THSD4: variants seen among roughly 807,000 people sequenced by gnomAD.
THSD4 encodes thrombospondin type 1 domain containing 4, also known as thrombospondin type-1 domain-containing protein 4.
A neutral mutation model predicts 119.0 loss-of-function variants in THSD4; 69 were observed. That is an observed-to-expected ratio of 0.58 (90% confidence interval 0.48 to 0.71). THSD4 has a LOEUF of 0.71. Ranked by LOEUF, THSD4 falls within the 30% of genes least tolerant of loss-of-function variation. THSD4 has a pLI of 0.00. For missense variants in THSD4, 1,393 were observed against 1,391.1 expected, an observed-to-expected ratio of 1.00 and a Z score of -0.02; for synonymous variants, 524 against 540.4, an observed-to-expected ratio of 0.97 and a Z score of 0.42.
chr15:71,757,001 A>G (rs1335349571), intron 14 of THSD4, among the ~76,000 whole-genome samples: 2 of 152,154 alleles, frequency 1.3e-5, no homozygotes, highest in Non-Finnish European at 2.9e-5. Context: ...TAGTTTCTCT[A>G]TCTTGGAGTG....
Position 71,439,605 on chromosome 15 carries a change from A to G in THSD4, c.1152+27782A>G, listed in dbSNP as rs570487172. 6.8e-3 allele frequency among the ~76,000 whole-genome samples: 1,034 copies of G among 152,340 alleles called. 7 individuals are homozygous for G. The highest frequency in any genetic ancestry group is 0.012 in the Non-Finnish European group (814 of 68,024). ...ACTACTCACAATAGCAAAGACTTGG[A>G]ACCAACCCAAATGTCCATCAGTGAT... On this transcript the variant is annotated intron_variant, in intron 7 of 17. Transcript: ENST00000261862.
intron 3 of THSD4, among the ~76,000 whole-genome samples, chr15:71,206,829 T>G (rs2043847532): frequency 6.6e-6 from 1 of 152,216 alleles, no homozygotes; most frequent in South Asian, 2.1e-4. Context: ...CCATTTAATC[T>G]ATTTATTTTT....
intron 8 of THSD4, among the ~76,000 whole-genome samples, chr15:71,717,938 C>G (rs894206940): frequency 2.6e-5 from 4 of 152,090 alleles, no homozygotes; most frequent in Non-Finnish European, 5.9e-5. Flanking sequence ...CACTTGAGCC[C>G]AGGAGTTTGA....
chr15:71,641,946 G>A (rs368348513), intron 7 of THSD4, among the ~76,000 whole-genome samples: 5 of 152,156 alleles, frequency 3.3e-5, no homozygotes, highest in East Asian at 3.8e-4. Context: ...CTGAGAAGAC[G>A]ACCTGTTTTA....
At chr15:71,282,114 T>G (rs1176040219) in intron 6 of THSD4, among the ~76,000 whole-genome samples, 1 of 152,246 alleles carries the variant, frequency 6.6e-6, no homozygotes. Context: ...TTTACTGTTA[T>G]TTTTCTAGTC....
chr15:71,274,733 G>T (rs1168408004), intron 6 of THSD4, among the ~76,000 whole-genome samples: 1 of 152,150 alleles, frequency 6.6e-6, no homozygotes, highest in Non-Finnish European at 1.5e-5. Flanking sequence ...GAAAATGTAG[G>T]ATATGAGAAA....
intron 7 of THSD4, among the ~76,000 whole-genome samples, chr15:71,444,052 G>C (rs1247489133): frequency 6.6e-6 from 1 of 152,174 alleles, no homozygotes; most frequent in East Asian, 1.9e-4. Flanking sequence ...TTAAAAAAAA[G>C]TTCCTAAGAA....
intron 7 of THSD4, among the ~76,000 whole-genome samples, chr15:71,629,981 G>A (rs2050591725): frequency 6.6e-6 from 1 of 152,140 alleles, no homozygotes; most frequent in Non-Finnish European, 1.5e-5. Context: ...AGGGGCCTCT[G>A]TCTCTCTTGG....
At chr15:71,594,254 G>C (rs1265922250) in intron 7 of THSD4, among the ~76,000 whole-genome samples, 1 of 150,884 alleles carries the variant, frequency 6.6e-6, no homozygotes, top group Non-Finnish European at 1.5e-5. Context: ...TGTTGCCCAA[G>C]CTGGAGTGCA....
intron 4 of THSD4, among the ~76,000 whole-genome samples, chr15:71,240,416 T>C (rs1018034285): frequency 3.9e-5 from 6 of 152,206 alleles, no homozygotes; most frequent in African/African-American, 1.4e-4. Flanking sequence ...TATTTTATTC[T>C]ATGACTGATT....
At chr15:71,170,010 C>T (rs1164371670) in intron 3 of THSD4, among the ~76,000 whole-genome samples, 1 of 152,084 alleles carries the variant, frequency 6.6e-6, no homozygotes, top group Admixed American at 6.6e-5. Flanking sequence ...CCCATCTCTA[C>T]CAAAAGTACA....
intron 4 of THSD4, among the ~76,000 whole-genome samples, chr15:71,217,887 A>G (rs2140252718): frequency 6.6e-6 from 1 of 151,436 alleles, no homozygotes; most frequent in Non-Finnish European, 1.5e-5. Context: ...CCTGGGTTCA[A>G]ATGATTCCTG....
intron 7 of THSD4, among the ~76,000 whole-genome samples, chr15:71,615,976 G>A (rs1283518629): frequency 2.0e-5 from 3 of 152,312 alleles, no homozygotes; most frequent in East Asian, 1.9e-4. Flanking sequence ...CTCCTTGAGA[G>A]CAGAAATTGT....
intron 4 of THSD4, among the ~76,000 whole-genome samples, chr15:71,221,741 G>C (rs2140255920): frequency 6.6e-6 from 1 of 152,276 alleles, no homozygotes; most frequent in Non-Finnish European, 1.5e-5. Flanking sequence ...TATGAACATG[G>C]GTGTTTTCAG....
At chr15:71,295,285 G>A (rs937523748) in intron 6 of THSD4, among the ~76,000 whole-genome samples, 1 of 152,140 alleles carries the variant, frequency 6.6e-6, no homozygotes, top group Non-Finnish European at 1.5e-5. Flanking sequence ...CCAGGATCAC[G>A]ATGAACTCTC....
chr15:71,648,948 T>G (rs570470825), intron 7 of THSD4, among the ~76,000 whole-genome samples: 1 of 152,200 alleles, frequency 6.6e-6, no homozygotes, highest in African/African-American at 2.4e-5. Context: ...GTAACAAAAC[T>G]AGGGCTCAGA....
chr15:71,141,387 G>T, intron 1 of THSD4, 62 bp from the exon 2 acceptor site: 1 of 905,748 alleles, frequency 1.1e-6, no homozygotes, highest in Non-Finnish European at 1.6e-6. Context: ...TGTTGACCGA[G>T]TTACGCTTCT....
intron 7 of THSD4, among the ~76,000 whole-genome samples, chr15:71,612,445 G>T (rs1221311480): frequency 6.6e-6 from 1 of 152,178 alleles, no homozygotes; most frequent in Non-Finnish European, 1.5e-5. Flanking sequence ...GGAATTCAAA[G>T]GGCAGGTCCC....
intron 7 of THSD4, among the ~76,000 whole-genome samples, chr15:71,422,029 A>G (rs541978067): frequency 2.0e-5 from 3 of 152,266 alleles, no homozygotes; most frequent in East Asian, 1.9e-4. Context: ...TGTTAAATGT[A>G]TCTGATAGAT....
Sources: allele counts gnomAD v4.1 joint callset (sites outside exome capture counted in the v4.1 genomes callset), GRCh38; gene constraint gnomAD v4.1.1; transcripts MANE v1.5; gene names NCBI Gene and HGNC (gene_info 2026-07-23, HGNC 2026-07-21).